CUX2: variants seen among roughly 807,000 people sequenced by gnomAD.
The protein encoded by CUX2 is homeobox protein cut-like 2.
In CUX2, 40 loss-of-function variants were observed where a neutral mutation model predicts 144.8. The observed-to-expected ratio is 0.28, with a 90% CI of 0.21 to 0.36. The LOEUF is 0.36. CUX2 is among the 10% of genes least tolerant of loss of function. The probability of loss-of-function intolerance (pLI) is 1.00; values close to 1 mark genes in which losing one functional copy is unlikely to be tolerated. For synonymous variants in CUX2, 827 were observed against 875.6 expected (o/e 0.94, Z 0.98); for missense variants, 1,615 against 1,994.0 (o/e 0.81, Z 3.62).
At chr12:111,043,148 G>A (rs926588814) in intron 1 of CUX2, among the ~76,000 whole-genome samples, 3 of 152,146 alleles carry the variant, frequency 2.0e-5, no homozygotes, top group African/African-American at 4.8e-5. Context: ...AAGCAAGGAA[G>A]GCAAGGTGCC....
At chr12:111,342,242 C>G (rs1888610877) in intron 21 of CUX2, among the ~76,000 whole-genome samples, 189 bp downstream of exon 21, 1 of 152,100 alleles carries the variant, frequency 6.6e-6, no homozygotes, top group Admixed American at 6.6e-5. Context: ...CTTTGGGAGG[C>G]CAAGGTGGGA....
Position 111,293,471 on chromosome 12 carries a change from C to T in CUX2, c.462C>T (p.Ala154=), listed in dbSNP as rs369037997. The change falls in exon 6 of 22, where the codon GCC becomes GCT. Residue 154 remains alanine (A), a synonymous_variant. Coordinates refer to ENST00000261726, the MANE Select transcript of CUX2 (RefSeq NM_015267.4). The surrounding 1 kb of genome is among the most constrained non-coding windows in gnomAD (Gnocchi z 4.5). The part of the protein sequence containing the change: ...PKEQREGTSP[A]GPTLTEGSRL... ...AGCAGAGAGAGGGGACGTCGCCTGC[C>T]GGGCCCACGCTGACCGAGGGAAGCC... 14 of 1,608,366 alleles carry T rather than the reference C, an allele frequency of 8.7e-6. No individual in the cohort carries two copies. Among genetic ancestry groups the T allele is most frequent in the African/African-American group, 6.7e-5 (5 of 74,870 alleles).
At chr12:111,220,656 C>T (rs2136232142) in intron 3 of CUX2, among the ~76,000 whole-genome samples, 1 of 137,110 alleles carries the variant, frequency 7.3e-6, no homozygotes, top group South Asian at 2.3e-4. Flanking sequence ...CCTGTAATCT[C>T]AGCACTTTGG....
chr12:111,092,952 A>C (rs1407997869), intron 1 of CUX2, among the ~76,000 whole-genome samples: 2 of 151,898 alleles, frequency 1.3e-5, no homozygotes, highest in African/African-American at 2.4e-5. Context: ...AGTAGCTGGA[A>C]CCACAGGTAC....
rs569538064 is a variant in CUX2, at chr12:111,081,544, G to A, written c.63+47304G>A. Among the ~76,000 whole-genome samples, 245 of 152,266 alleles carry A rather than the reference G, an allele frequency of 1.6e-3. 1 individual carries two copies. Among genetic ancestry groups the A allele is most frequent in the African/African-American group, 3.9e-3 (160 of 41,540 alleles). Reference sequence around the variant, plus strand: ...CTCTTAATTGCAAACAACAGAAACCGACTCAGCCCCCACCAAGACTCATGT... The same window carrying A: ...CTCTTAATTGCAAACAACAGAAACCAACTCAGCCCCCACCAAGACTCATGT... On this transcript the variant is annotated intron_variant, in intron 1 of 21. Coordinates refer to ENST00000261726, the MANE Select transcript of CUX2 (RefSeq NM_015267.4).
Position 111,194,142 on chromosome 12 carries a change from T to A in CUX2, c.64-20058T>A, listed in dbSNP as rs2106410. Among the ~76,000 whole-genome samples the A allele has an allele frequency of 2.4e-3, 369 of 152,072 alleles. 2 individuals are homozygous for A. The highest frequency in any genetic ancestry group is 4.4e-3 in the Non-Finnish European group (298 of 67,992). On this transcript the variant is annotated intron_variant, in intron 1 of 21. Transcript: ENST00000261726. ...CGAATCTCTAGAGCCAGACTCTTTGTCTTGAATCCAGCTCTGCCCCCTCAG... is the reference window on the plus strand; with the variant it reads ...CGAATCTCTAGAGCCAGACTCTTTGACTTGAATCCAGCTCTGCCCCCTCAG...
chr12:111,304,305 G>A lies in CUX2; in HGVS notation c.849G>A (p.Gly283=). 1 of 1,613,388 alleles carries A rather than the reference G, an allele frequency of 6.2e-7. No homozygotes were observed. Among genetic ancestry groups the A allele is most frequent in the East Asian group, 2.2e-5 (1 of 44,870 alleles). ...SIRLACCSPQ[G]PSGDKVNFTL... ...GCCTGGCTTGCTGCTCTCCCCAGGG[G>A]CCCAGTGGGGTAAGGATGGGGTTGG... Residue 283 remains glycine, a synonymous_variant, in exon 10 of 22, where the codon GGG becomes GGA. Coordinates refer to ENST00000261726, the MANE Select transcript of CUX2 (RefSeq NM_015267.4). This position sits in a 1 kb window ranked among gnomAD's most constrained non-coding sequence, Gnocchi z 4.7.
At position 111,178,404 on chromosome 12, in the gene CUX2, G is replaced by A. The variant is rs755813132; in HGVS notation, c.64-35796G>A. On this transcript the variant is annotated intron_variant, in intron 1 of 21. Coordinates refer to ENST00000261726, the MANE Select transcript of CUX2 (RefSeq NM_015267.4). This position sits in a 1 kb window ranked among gnomAD's most constrained non-coding sequence, Gnocchi z 5.7. ...TGGCAGGAATATAATTTGCTGTCAC[G>A]TTGACAAGTCCAGCCCTCTGACTGG... is the stretch of plus-strand genomic sequence containing the variant. Among the ~76,000 whole-genome samples, 5 of 152,180 alleles carry A rather than the reference G, an allele frequency of 3.3e-5. No homozygotes were observed. Among genetic ancestry groups the A allele is most frequent in the Admixed American group, 6.5e-5 (1 of 15,278 alleles).
intron 1 of CUX2, among the ~76,000 whole-genome samples, chr12:111,097,523 A>G (rs2136062992): frequency 6.6e-6 from 1 of 152,302 alleles, no homozygotes; most frequent in East Asian, 1.9e-4. Context: ...GGGAGCCTAA[A>G]ATGATATTAA....
intron 16 of CUX2, among the ~76,000 whole-genome samples, chr12:111,316,551 G>A (rs1210053893): frequency 2.1e-5 from 3 of 143,832 alleles, no homozygotes; most frequent in Non-Finnish European, 3.0e-5. Flanking sequence ...CCAGGTTCAA[G>A]CAATTCTCCT....
Position 111,186,206 on chromosome 12 carries a change from C to T in CUX2, c.64-27994C>T, listed in dbSNP as rs943964808. On this transcript the variant is annotated intron_variant, in intron 1 of 21. Transcript: ENST00000261726. The surrounding 1 kb of genome is among the most constrained non-coding windows in gnomAD (Gnocchi z 4.4). ...TTCCCTTCCCTTCTCTCCTTTCCCA[C>T]ATCAGCTATCTAAGGGCTGCCTTAG... Among the ~76,000 whole-genome samples the T allele has an allele frequency of 1.3e-5, 2 of 152,140 alleles. No homozygotes were observed. Among genetic ancestry groups the T allele is most frequent in the Non-Finnish European group, 2.9e-5 (2 of 68,028 alleles).
chr12:111,058,468 G>T (rs758609786), intron 1 of CUX2, among the ~76,000 whole-genome samples: 3 of 152,206 alleles, frequency 2.0e-5, no homozygotes, highest in Non-Finnish European at 4.4e-5. Flanking sequence ...ACTTTAAATT[G>T]GGGATCTTGG....
intron 1 of CUX2, among the ~76,000 whole-genome samples, chr12:111,119,607 C>T (rs994288301): frequency 1.3e-5 from 2 of 152,154 alleles, no homozygotes; most frequent in African/African-American, 4.8e-5. Flanking sequence ...TAGGCAAAAA[C>T]GTTGACTTGA....
chr12:111,128,720 A>G (rs1051715686), intron 1 of CUX2, among the ~76,000 whole-genome samples: 1 of 152,332 alleles, frequency 6.6e-6, no homozygotes, highest in Non-Finnish European at 1.5e-5. Context: ...GCAGTTATCT[A>G]TAGATGATAT....
chr12:111,150,234 T>G (rs1876948930), intron 1 of CUX2, among the ~76,000 whole-genome samples: 1 of 152,174 alleles, frequency 6.6e-6, no homozygotes, highest in Non-Finnish European at 1.5e-5. Flanking sequence ...TGTGTTTTTC[T>G]CCATCATTTG....
At chr12:111,280,204 G>A (rs140118846) in intron 4 of CUX2, among the ~76,000 whole-genome samples, 1,869 of 150,626 alleles carry the variant, frequency 0.012, 16 homozygotes, top group Non-Finnish European at 0.02. Context: ...CAGGAGAATC[G>A]CTTGAACCCG....
At chr12:111,284,025 C>T (rs1360419966) in intron 4 of CUX2, among the ~76,000 whole-genome samples, 1 of 152,098 alleles carries the variant, frequency 6.6e-6, no homozygotes, top group Non-Finnish European at 1.5e-5. Context: ...AGGCATCAGA[C>T]CAGCACCCTG....
intron 4 of CUX2, among the ~76,000 whole-genome samples, chr12:111,285,181 A>G (rs892109935): frequency 1.3e-5 from 2 of 152,144 alleles, no homozygotes; most frequent in Non-Finnish European, 2.9e-5. Context: ...ACATGTATCC[A>G]TCAGGGTTCT....
chr12:111,216,896 A>G (rs975280938), intron 2 of CUX2, among the ~76,000 whole-genome samples: 4 of 152,192 alleles, frequency 2.6e-5, no homozygotes, highest in African/African-American at 9.7e-5. Flanking sequence ...TAAGTCTTCA[A>G]CCCATCTCTT....
Sources: allele counts gnomAD v4.1 joint callset (sites outside exome capture counted in the v4.1 genomes callset), GRCh38; gene constraint gnomAD v4.1.1; non-coding constraint Gnocchi (gnomAD v3.1); transcripts MANE v1.5; gene names NCBI Gene and HGNC (gene_info 2026-07-23, HGNC 2026-07-21).